Variants in WDFY2 observed in about 807,000 individuals in gnomAD.
WDFY2 encodes the protein WD repeat and FYVE domain-containing protein 2.
WDFY2 carries 36 observed loss-of-function variants against 56.4 expected under a neutral mutation model. That is an observed-to-expected ratio of 0.64 (90% confidence interval 0.49 to 0.84). WDFY2 has a LOEUF of 0.84. Ranked by LOEUF, WDFY2 falls within the 40% of genes least tolerant of loss-of-function variation. The pLI is 0.00. For missense variants in WDFY2, 444 were observed against 512.2 expected, an observed-to-expected ratio of 0.87 and a Z score of 1.29; for synonymous variants, 176 against 183.7, an observed-to-expected ratio of 0.96 and a Z score of 0.34.
chr13:51,652,252 G>C (rs1319139657), intron 1 of WDFY2, among the ~76,000 whole-genome samples: 1 of 152,024 alleles, frequency 6.6e-6, no homozygotes, highest in East Asian at 1.9e-4. Context: ...TTTTCCATTT[G>C]CTTGGTAGAT....
At chr13:51,730,430 C>T (rs546980547) in intron 6 of WDFY2, among the ~76,000 whole-genome samples, 52 of 152,298 alleles carry the variant, frequency 3.4e-4, no homozygotes, top group African/African-American at 1.2e-3. Flanking sequence ...CTGTGGTCTG[C>T]GGTTTCCCAG....
intron 1 of WDFY2, among the ~76,000 whole-genome samples, chr13:51,615,042 CAATT>C (rs1954585332): frequency 1.3e-5 from 2 of 152,122 alleles, no homozygotes; most frequent in African/African-American, 4.8e-5. Context: ...TGTGTTCTCT[CAATT>C]GATTTATTAA....
At chr13:51,709,538 C>A (rs1952162337) in intron 4 of WDFY2, among the ~76,000 whole-genome samples, 2 of 151,496 alleles carry the variant, frequency 1.3e-5, no homozygotes. Flanking sequence ...AGACCACTAG[C>A]AAAACTAATA....
At position 51,756,392 on chromosome 13, in the gene WDFY2, A is replaced by G. The variant is rs1441085046; in HGVS notation, c.994A>G (p.Ile332Val). ...CGKCSSKRSS[I>V]PLMGFEFEVR... ...CAAGTGCAGCTCCAAGCGCTCCTCCATCCCCCTGATGGGCTTCGAGTTTGA... is the reference window on the plus strand; with the variant it reads ...CAAGTGCAGCTCCAAGCGCTCCTCCGTCCCCCTGATGGGCTTCGAGTTTGA... Residue 332 changes from isoleucine to valine, a missense_variant, in exon 10 of 12, where the codon ATC becomes GTC. Transcript: ENST00000298125. 1.9e-6 allele frequency: 3 copies of G among 1,614,100 alleles called. No individual in the cohort carries two copies. In the East Asian group the frequency reaches 6.7e-5, roughly 36 times the overall value.
intron 3 of WDFY2, among the ~76,000 whole-genome samples, chr13:51,684,372 T>G (rs1257789462): frequency 6.6e-6 from 1 of 151,892 alleles, no homozygotes; most frequent in Non-Finnish European, 1.5e-5. Flanking sequence ...TTTGGTGTTT[T>G]TTTTTTTTTT....
intron 1 of WDFY2, among the ~76,000 whole-genome samples, chr13:51,638,339 G>A (rs1344281266): frequency 1.3e-5 from 2 of 152,136 alleles, no homozygotes; most frequent in African/African-American, 4.8e-5. Context: ...AAGGCAGTAC[G>A]GATAGCAGAG....
At chr13:51,602,923 C>T (rs1419274947) in intron 1 of WDFY2, among the ~76,000 whole-genome samples, 2 of 152,138 alleles carry the variant, frequency 1.3e-5, no homozygotes, top group African/African-American at 2.4e-5. Flanking sequence ...AACTCTTCCC[C>T]CTACTCCCAG....
chr13:51,667,876 CTTCTTTTTTTT>C (rs1955736529), intron 2 of WDFY2, among the ~76,000 whole-genome samples: 1 of 97,128 alleles, frequency 1.0e-5, no homozygotes, highest in Non-Finnish European at 1.9e-5. Flanking sequence ...ACCTGAGGAA[CTTCTTTTTTTT>C]TTTTTTTTTT....
intron 3 of WDFY2, among the ~76,000 whole-genome samples, chr13:51,675,580 T>G (rs1420914026): frequency 1.3e-5 from 2 of 152,224 alleles, no homozygotes; most frequent in Non-Finnish European, 2.9e-5. Context: ...TCATGGTGCC[T>G]TAAGCTTTGC....
chr13:51,633,736 A>G (rs2138386050), intron 1 of WDFY2, among the ~76,000 whole-genome samples: 1 of 152,320 alleles, frequency 6.6e-6, no homozygotes, highest in South Asian at 2.1e-4. Context: ...CTAGACCATC[A>G]CAGGTAATTC....
chr13:51,733,022 T>C (rs2138669935), intron 6 of WDFY2, among the ~76,000 whole-genome samples: 1 of 152,242 alleles, frequency 6.6e-6, no homozygotes, highest in African/African-American at 2.4e-5. Context: ...AAAGGGAGGC[T>C]TCCCAAATAA....
intron 1 of WDFY2, among the ~76,000 whole-genome samples, chr13:51,608,069 A>G (rs1954417482): frequency 6.6e-6 from 1 of 152,224 alleles, no homozygotes; most frequent in Admixed American, 6.5e-5. Context: ...AAGTGCCTCC[A>G]GAGGAACCAG....
At chr13:51,758,420 A>G in intron 11 of WDFY2, 120 bp downstream of exon 11, 1 of 601,426 alleles carries the variant, frequency 1.7e-6, no homozygotes. Flanking sequence ...CCATGGTGGC[A>G]TGTGTCTGTA....
chr13:51,700,526 A>G (rs913516747), intron 3 of WDFY2, among the ~76,000 whole-genome samples: 17 of 152,192 alleles, frequency 1.1e-4, no homozygotes, highest in African/African-American at 3.9e-4. Context: ...CAAAATTTCA[A>G]TGGTCATACT....
intron 3 of WDFY2, among the ~76,000 whole-genome samples, chr13:51,678,165 C>G (rs1029968093): frequency 6.6e-6 from 1 of 152,160 alleles, no homozygotes; most frequent in African/African-American, 2.4e-5. Context: ...AAATTAGTCA[C>G]ACACGGTACT....
chr13:51,681,132 A>G (rs1955970197), intron 3 of WDFY2, among the ~76,000 whole-genome samples: 1 of 152,184 alleles, frequency 6.6e-6, no homozygotes, highest in South Asian at 2.1e-4. Flanking sequence ...ATGGCCTCTG[A>G]ATAAAGCACT....
At chr13:51,600,860 C>T (rs971544403) in intron 1 of WDFY2, among the ~76,000 whole-genome samples, 2 of 152,210 alleles carry the variant, frequency 1.3e-5, no homozygotes, top group Admixed American at 6.5e-5. Flanking sequence ...CACTCACAGA[C>T]TCTTGTGTTT....
At chr13:51,684,720 G>A (rs934628166) in intron 3 of WDFY2, among the ~76,000 whole-genome samples, 7 of 151,992 alleles carry the variant, frequency 4.6e-5, no homozygotes, top group Non-Finnish European at 8.8e-5. Context: ...CTAACCTCAC[G>A]GTATCAGTGC....
At chr13:51,652,420 G>T (rs529063077) in intron 1 of WDFY2, among the ~76,000 whole-genome samples, 11 of 152,240 alleles carry the variant, frequency 7.2e-5, no homozygotes, top group African/African-American at 2.4e-4. Flanking sequence ...GGTTAATATT[G>T]TTATGTGTGA....
Sources: gnomAD v4.1 joint callset for allele counts (sites outside exome capture counted in the v4.1 genomes callset) on GRCh38, gnomAD v4.1.1 for gene constraint, MANE v1.5 for transcripts, NCBI Gene and HGNC (gene_info 2026-07-23, HGNC 2026-07-21) for gene names.